The following DUXA variants were observed in gnomAD, a reference collection of about 807,000 sequenced individuals.
DUXA encodes the protein double homeobox protein A.
Under a neutral mutation model 27.5 loss-of-function variants are expected in DUXA, and 25 were observed. The ratio of observed to expected loss-of-function variants is 0.91; its 90% CI spans 0.66 to 1.27. The LOEUF (loss-of-function observed/expected upper bound fraction) is 1.27, where lower values mean the gene tolerates loss of function less well. DUXA is among the 50% of genes most tolerant of loss of function. DUXA has a pLI of 0.00. For synonymous variants in DUXA, 90 were observed against 80.5 expected (o/e 1.12, Z -0.63); for missense variants, 247 against 242.9 (o/e 1.02, Z -0.11).
intron 4 of DUXA, among the ~76,000 whole-genome samples, chr19:57,156,306 T>G (rs2086992804): frequency 6.6e-6 from 1 of 152,212 alleles, no homozygotes; most frequent in African/African-American, 2.4e-5. Flanking sequence ...ATTATACACA[T>G]AGGCATGTAA....
At chr19:57,159,364 A>G (rs1169745625) in intron 2 of DUXA, 86 bp from the exon 3 acceptor site, 10 of 1,225,182 alleles carry the variant, frequency 8.2e-6, no homozygotes, top group Admixed American at 2.0e-5. Flanking sequence ...AGCAATTCTT[A>G]TTGGGCCTAG....
chr19:57,154,664 C>A (rs567711443), intron 5 of DUXA, among the ~76,000 whole-genome samples, 182 bp from the exon 6 acceptor site: 7 of 151,678 alleles, frequency 4.6e-5, no homozygotes, highest in African/African-American at 1.7e-4. Context: ...CCCGGGTTCA[C>A]GCCATGCTCC....
intron 5 of DUXA, 81 bp downstream of exon 5, chr19:57,155,186 G>T: frequency 7.7e-7 from 1 of 1,291,590 alleles, no homozygotes; most frequent in Non-Finnish European, 1.1e-6. Flanking sequence ...CCCAGGAGGA[G>T]CTGTCGGCTC....
intron 1 of DUXA, among the ~76,000 whole-genome samples, chr19:57,164,729 A>G (rs1368092894): frequency 6.6e-6 from 1 of 152,202 alleles, no homozygotes; most frequent in African/African-American, 2.4e-5. Context: ...AATTACATAC[A>G]TCCTTCTTTT....
Position 57,162,426 on chromosome 19 carries a change from G to A in DUXA, c.26-1629C>T, listed in dbSNP as rs200717745. ...AAAGCATTTTGGAAGATACCATTTC[G>A]TAACAGAATTAGACTTAGTGAATTG... On this transcript the variant is annotated intron_variant, in intron 1 of 5. Transcript: ENST00000554048. 2.8e-4 allele frequency among the ~76,000 whole-genome samples: 43 copies of A among 152,260 alleles called. No homozygotes were observed. In the East Asian group the frequency reaches 6.9e-3, roughly 25 times the overall value.
intron 5 of DUXA, among the ~76,000 whole-genome samples, 199 bp from the exon 6 acceptor site, chr19:57,154,681 A>G (rs1469633133): frequency 6.6e-6 from 1 of 151,294 alleles, no homozygotes; most frequent in Non-Finnish European, 1.5e-5. Context: ...CTCCTGCCTC[A>G]GCCTCCCGAG....
chr19:57,158,652 G>A (rs1031823828), intron 3 of DUXA, among the ~76,000 whole-genome samples, 179 bp from the exon 4 acceptor site: 2 of 152,134 alleles, frequency 1.3e-5, no homozygotes, highest in African/African-American at 4.8e-5. Context: ...AGGAGACCCA[G>A]GATGATATGT....
chr19:57,167,117 T>G (rs1435878383), intron 1 of DUXA, among the ~76,000 whole-genome samples: 1 of 152,156 alleles, frequency 6.6e-6, no homozygotes, highest in Non-Finnish European at 1.5e-5. Flanking sequence ...TTGCTCTGTT[T>G]TAGCATCTGT....
At chr19:57,160,891 A>G in intron 1 of DUXA, 94 bp from the exon 2 acceptor site, 17 of 1,338,648 alleles carry the variant, frequency 1.3e-5, no homozygotes, top group Non-Finnish European at 1.8e-5. Flanking sequence ...CTCTTCCCAA[A>G]TCCACTGGAA....
chr19:57,162,762 G>C (rs144263196), intron 1 of DUXA, among the ~76,000 whole-genome samples: 21 of 152,154 alleles, frequency 1.4e-4, no homozygotes, highest in Non-Finnish European at 2.8e-4. Context: ...TTTTAGTAGA[G>C]ACAGGGTTTC....
intron 5 of DUXA, among the ~76,000 whole-genome samples, 184 bp from the exon 6 acceptor site, chr19:57,154,666 C>T (rs1336663239): frequency 6.6e-6 from 1 of 151,894 alleles, no homozygotes; most frequent in African/African-American, 2.4e-5. Context: ...CGGGTTCACG[C>T]CATGCTCCTG....
chr19:57,158,926 G>A (rs1276237086), intron 3 of DUXA, among the ~76,000 whole-genome samples: 2 of 152,166 alleles, frequency 1.3e-5, no homozygotes, highest in Non-Finnish European at 2.9e-5. Context: ...AGAGGTTGTA[G>A]TGAGCCAAGA....
intron 4 of DUXA, 64 bp downstream of exon 4, chr19:57,158,264 G>T: frequency 1.3e-6 from 2 of 1,579,156 alleles, no homozygotes; most frequent in Non-Finnish European, 1.7e-6. Context: ...TGAGGCCCAT[G>T]TGGCTTCCCT....
chr19:57,164,669 T>C (rs1427158875), intron 1 of DUXA, among the ~76,000 whole-genome samples: 1 of 152,152 alleles, frequency 6.6e-6, no homozygotes, highest in Non-Finnish European at 1.5e-5. Context: ...TAAAAAATAT[T>C]TCAAAATAAT....
chr19:57,165,230 C>T lies in DUXA; in HGVS notation c.25+2189G>A, dbSNP rs1325338342. On this transcript the variant is annotated intron_variant, in intron 1 of 5. Coordinates refer to ENST00000554048, the MANE Select transcript of DUXA (RefSeq NM_001012729.2). Reference sequence around the variant, plus strand: ...CCTGATACCTTGAGAAATTGATCCTCTCTGCTTTTGTAATTAACCTCAGAA... The same window carrying T: ...CCTGATACCTTGAGAAATTGATCCTTTCTGCTTTTGTAATTAACCTCAGAA... Among the ~76,000 whole-genome samples the T allele has an allele frequency of 3.3e-5, 5 of 150,582 alleles. No individual in the cohort carries two copies. In the South Asian group the frequency reaches 1.0e-3, roughly 31 times the overall value.
chr19:57,155,823 C>G (rs2086990673), intron 4 of DUXA, among the ~76,000 whole-genome samples: 1 of 152,066 alleles, frequency 6.6e-6, no homozygotes, highest in South Asian at 2.1e-4. Flanking sequence ...CGCCAACCAC[C>G]ATACCCGGCT....
chr19:57,154,827 T>C (rs1159500530), intron 5 of DUXA, among the ~76,000 whole-genome samples: 2 of 152,200 alleles, frequency 1.3e-5, no homozygotes, highest in African/African-American at 2.4e-5. Context: ...CCTCCCAAAG[T>C]GCTGGGATTA....
chr19:57,154,109 ACC>A lies in DUXA; in HGVS notation c.*301_*302del, dbSNP rs1382667124. The A allele has an allele frequency of 3.9e-6, 1 of 254,312 alleles. No homozygotes were observed. The highest frequency in any genetic ancestry group is 2.3e-5 in the African/African-American group (1 of 44,070). The allele number at this position is 254,312 out of a possible 1,614,324, so 15.8% of individuals were successfully genotyped here. ...GGCTGTGTCAACAGGGTAGTGTGGT[ACC>A]CCCTGTACCCGTCTCTGCCTCCTAC... On this transcript the variant is annotated 3_prime_UTR_variant, in exon 6 of 6. Coordinates refer to ENST00000554048, the MANE Select transcript of DUXA (RefSeq NM_001012729.2).
chr19:57,161,222 G>T (rs1393663232), intron 1 of DUXA, among the ~76,000 whole-genome samples: 1 of 150,808 alleles, frequency 6.6e-6, no homozygotes, highest in African/African-American at 2.4e-5. Flanking sequence ...CTACTCAGGA[G>T]GTGGAGGCAG....
Sources: allele counts gnomAD v4.1 joint callset (sites outside exome capture counted in the v4.1 genomes callset), GRCh38; gene constraint gnomAD v4.1.1; transcripts MANE v1.5; gene names NCBI Gene and HGNC (gene_info 2026-07-23, HGNC 2026-07-21).